Variants in NCKAP5 observed in about 807,000 individuals in gnomAD.
NCKAP5 encodes NCK associated protein 5.
Under a neutral mutation model 167.0 loss-of-function variants are expected in NCKAP5, and 92 were observed. The ratio of observed to expected loss-of-function variants is 0.55; its 90% confidence interval spans 0.47 to 0.66. The LOEUF (loss-of-function observed/expected upper bound fraction) is 0.66, where lower values mean the gene tolerates loss of function less well. Among genes scored for constraint, NCKAP5 ranks in the 30% least tolerant of loss-of-function variants. The probability of loss-of-function intolerance (pLI) is 0.00; values close to 1 mark genes in which losing one functional copy is unlikely to be tolerated. For missense variants in NCKAP5, 2,378 were observed against 2,315.0 expected, an observed-to-expected ratio of 1.03 and a Z score of -0.56; for synonymous variants, 891 against 877.4, an observed-to-expected ratio of 1.02 and a Z score of -0.27.
chr2:133,040,969 G>A (rs1026366215), intron 6 of NCKAP5, among the ~76,000 whole-genome samples: 1 of 152,124 alleles, frequency 6.6e-6, no homozygotes. Context: ...CTGTTCATTC[G>A]AATTTGGAGT....
At chr2:133,520,834 G>T (rs893539897) in intron 2 of NCKAP5, among the ~76,000 whole-genome samples, 4 of 152,154 alleles carry the variant, frequency 2.6e-5, no homozygotes, top group African/African-American at 7.2e-5. Context: ...TATGGCATAA[G>T]GGTTGGCCAA....
At chr2:133,174,390 A>G (rs1302827998) in intron 5 of NCKAP5, among the ~76,000 whole-genome samples, 1 of 152,170 alleles carries the variant, frequency 6.6e-6, no homozygotes, top group Non-Finnish European at 1.5e-5. Flanking sequence ...CTGCGAAGTT[A>G]CTATTTTCTC....
the NCKAP5 span, among the ~76,000 whole-genome samples, chr2:133,625,270 T>G: frequency 6.6e-6 from 1 of 152,220 alleles, no homozygotes. Flanking sequence ...ATAATCTACA[T>G]AAATTCAAGA....
At chr2:132,896,323 A>G (rs909560425) in intron 8 of NCKAP5, among the ~76,000 whole-genome samples, 3 of 152,240 alleles carry the variant, frequency 2.0e-5, no homozygotes, top group African/African-American at 7.2e-5. Context: ...TTCTCTGTAG[A>G]GAACTGGCAA....
chr2:133,234,688 T>C (rs554941691), intron 4 of NCKAP5, among the ~76,000 whole-genome samples: 2 of 152,078 alleles, frequency 1.3e-5, no homozygotes, highest in African/African-American at 4.8e-5. Flanking sequence ...CTTTATAATT[T>C]TCCAGGTGCT....
At chr2:133,542,043 G>A (rs973190555) in intron 2 of NCKAP5, among the ~76,000 whole-genome samples, 6 of 152,106 alleles carry the variant, frequency 3.9e-5, no homozygotes, top group Non-Finnish European at 8.8e-5. Context: ...GGTACATCTG[G>A]TTGGTGGAGC....
chr2:132,919,597 GA>G (rs1695151751), intron 8 of NCKAP5, among the ~76,000 whole-genome samples: 2 of 152,242 alleles, frequency 1.3e-5, no homozygotes, highest in African/African-American at 2.4e-5. Flanking sequence ...TATAGCTTCT[GA>G]AAACAGGTGG....
intron 6 of NCKAP5, among the ~76,000 whole-genome samples, chr2:133,090,230 A>G (rs2081128080): frequency 1.3e-5 from 2 of 150,450 alleles, no homozygotes; most frequent in African/African-American, 2.4e-5. Context: ...AAAAAAAAAG[A>G]AAAGTCTAAC....
chr2:132,711,201 C>T (rs2105320386), intron 19 of NCKAP5, among the ~76,000 whole-genome samples: 1 of 152,264 alleles, frequency 6.6e-6, no homozygotes, highest in East Asian at 1.9e-4. Context: ...CCTATCCATC[C>T]CATGTGCTTT....
chr2:133,604,115 A>C, the NCKAP5 span, among the ~76,000 whole-genome samples: 1 of 152,194 alleles, frequency 6.6e-6, no homozygotes, highest in Admixed American at 6.5e-5. Context: ...GCCGGTAAGA[A>C]ATGTCCAAGT....
chr2:133,483,842 T>C (rs1208695031), intron 3 of NCKAP5, among the ~76,000 whole-genome samples: 1 of 152,220 alleles, frequency 6.6e-6, no homozygotes, highest in East Asian at 1.9e-4. Flanking sequence ...AAGCAGAATT[T>C]CTGGCAAGTT....
At chr2:133,119,530 GAAT>G (rs1174990724) in intron 6 of NCKAP5, among the ~76,000 whole-genome samples, 2 of 152,130 alleles carry the variant, frequency 1.3e-5, no homozygotes, top group Non-Finnish European at 2.9e-5. Flanking sequence ...AGCTAGAAGA[GAAT>G]AATTTGAATG....
intron 3 of NCKAP5, among the ~76,000 whole-genome samples, chr2:133,309,150 T>C (rs1397261651): frequency 6.6e-6 from 1 of 152,200 alleles, no homozygotes; most frequent in Non-Finnish European, 1.5e-5. Context: ...TTAAAAGTAA[T>C]ATCCTACAGT....
Position 133,146,603 on chromosome 2 carries a change from A to C in NCKAP5, c.208-16492T>G, listed in dbSNP as rs557295483. The stretch of plus-strand genomic sequence containing the variant: ...TAATACAACCTTCCAGTGAGAATCC[A>C]TGGTGAATGCGAGGGGCAAGCAGCC... On this transcript the variant is annotated intron_variant, in intron 5 of 19. Coordinates refer to ENST00000409261, the MANE Select transcript of NCKAP5 (RefSeq NM_207363.3). 5.6e-4 allele frequency among the ~76,000 whole-genome samples: 85 copies of C among 152,220 alleles called. 2 individuals are homozygous for C. The highest frequency in any genetic ancestry group is 7.8e-4 in the Non-Finnish European group (53 of 67,998).
rs72994843 is a variant in NCKAP5, at chr2:132,943,354, A to G, written c.579+20366T>C. Among the ~76,000 whole-genome samples, 1,119 of 152,374 alleles carry G rather than the reference A, an allele frequency of 7.3e-3. 19 individuals carry two copies. The highest frequency in any genetic ancestry group is 0.026 in the African/African-American group (1,062 of 41,588). ...ATCAATTTGAATATAGTCCATTTTA[A>G]CATACCTTGTCAAAAGAAGAATATA... On this transcript the variant is annotated intron_variant, in intron 8 of 19. Coordinates refer to ENST00000409261, the MANE Select transcript of NCKAP5 (RefSeq NM_207363.3).
chr2:133,193,133 A>G (rs1279852578), intron 5 of NCKAP5, among the ~76,000 whole-genome samples: 3 of 152,130 alleles, frequency 2.0e-5, no homozygotes, highest in Non-Finnish European at 4.4e-5. Flanking sequence ...ATTCTGAGAG[A>G]AAAAAGACAA....
intron 2 of NCKAP5, among the ~76,000 whole-genome samples, chr2:133,538,962 A>G (rs1457696161): frequency 7.5e-4 from 69 of 91,980 alleles, no homozygotes; most frequent in Middle Eastern, 0.014. Context: ...TTTTTTTGAG[A>G]CGGAGTCTCA....
chr2:133,174,430 T>G (rs1393675028), intron 5 of NCKAP5, among the ~76,000 whole-genome samples: 1 of 152,190 alleles, frequency 6.6e-6, no homozygotes, highest in Non-Finnish European at 1.5e-5. Flanking sequence ...ATGGAAGAGA[T>G]ACCTTGAGAC....
In NCKAP5 at chr2:133,348,491, T is replaced by TTTCCA. The variant is rs1553621041; in HGVS notation, c.70-45382_70-45381insTGGAA. Among the ~76,000 whole-genome samples, 1,080 of 152,118 alleles carry TTTCCA rather than the reference T, an allele frequency of 7.1e-3. 13 individuals carry two copies. The highest frequency in any genetic ancestry group is 0.023 in the African/African-American group (945 of 41,488). On this transcript the variant is annotated intron_variant, in intron 3 of 19. Transcript: ENST00000409261. ...GGGTGGGAGTAGTTTTTGGAAACTA[T>TTTCCA]GAAGAATAAAGTTACAGCCCTACTA...
Sources: gnomAD v4.1 joint callset for allele counts (sites outside exome capture counted in the v4.1 genomes callset) on GRCh38, gnomAD v4.1.1 for gene constraint, MANE v1.5 for transcripts, NCBI Gene and HGNC (gene_info 2026-07-23, HGNC 2026-07-21) for gene names.